The following USP40 variants were observed in gnomAD, a reference collection of about 807,000 sequenced individuals.
The protein encoded by USP40 is ubiquitin carboxyl-terminal hydrolase 40.
USP40 carries 143 observed loss-of-function variants against 166.2 expected under a neutral mutation model. The observed-to-expected ratio is 0.86, with a 90% CI of 0.75 to 0.99. The LOEUF (loss-of-function observed/expected upper bound fraction) is 0.99, where lower values mean the gene tolerates loss of function less well. Among genes scored for constraint, USP40 ranks in the 50% least tolerant of loss-of-function variants. The probability of loss-of-function intolerance (pLI) is 0.00; values close to 1 mark genes in which losing one functional copy is unlikely to be tolerated. For missense variants in USP40, 1,444 were observed against 1,479.7 expected (o/e 0.98, Z 0.40); for synonymous variants, 498 against 524.0 (o/e 0.95, Z 0.68).
At chr2:233,565,242 A>G in intron 2 of USP40, 114 bp downstream of exon 2, 2 of 835,056 alleles carry the variant, frequency 2.4e-6, no homozygotes, top group Non-Finnish European at 3.6e-6. Flanking sequence ...AACAATAAAC[A>G]CATACTGTAG....
intron 24 of USP40, among the ~76,000 whole-genome samples, chr2:233,494,926 A>ATATATT (rs2065594890): frequency 6.2e-5 from 2 of 32,012 alleles, no homozygotes; most frequent in East Asian, 6.6e-4. Context: ...ATATATATAT[A>ATATATT]TATATATATA....
At chr2:233,494,699 A>T (rs1017967403) in intron 24 of USP40, among the ~76,000 whole-genome samples, 2 of 151,410 alleles carry the variant, frequency 1.3e-5, no homozygotes, top group South Asian at 2.1e-4. Context: ...AGACAAAAAT[A>T]AAAAAATGTT....
At chr2:233,481,910 C>T (rs1167102933) in intron 30 of USP40, among the ~76,000 whole-genome samples, 3 of 152,144 alleles carry the variant, frequency 2.0e-5, no homozygotes, top group Non-Finnish European at 2.9e-5. Context: ...GCCTCAGGGG[C>T]GCACCCAGGA....
rs80006562 is a variant in USP40, at chr2:233,563,892, G to A, written c.200-1089C>T. Among the ~76,000 whole-genome samples, 355 of 152,178 alleles carry A rather than the reference G, an allele frequency of 2.3e-3. 9 individuals are homozygous for A. The East Asian group carries it at 0.063, about 27-fold the overall frequency. On this transcript the variant is annotated intron_variant, in intron 2 of 31. Coordinates refer to ENST00000678225, the MANE Select transcript of USP40 (RefSeq NM_001365479.2). ...CAGTACTACTCTTGCCTAATGGTAC[G>A]CTCCATGACCCGCCCTACACTTCAC...
chr2:233,537,026 T>C (rs1225563035), intron 10 of USP40, among the ~76,000 whole-genome samples: 1 of 152,020 alleles, frequency 6.6e-6, no homozygotes, highest in Non-Finnish European at 1.5e-5. Context: ...TGGGATTACA[T>C]GTGCGCACCA....
At chr2:233,530,918 TTC>T (rs1232208701) in intron 11 of USP40, among the ~76,000 whole-genome samples, 1 of 152,206 alleles carries the variant, frequency 6.6e-6, no homozygotes, top group Non-Finnish European at 1.5e-5. Flanking sequence ...CCCTAGTTTT[TTC>T]TTTCTTTGCT....
intron 15 of USP40, among the ~76,000 whole-genome samples, chr2:233,523,991 G>A (rs150999888): frequency 2.6e-5 from 4 of 152,286 alleles, no homozygotes; most frequent in Admixed American, 6.5e-5. Flanking sequence ...AGCATCTGAC[G>A]CACAACCTGG....
At position 233,479,198 on chromosome 2, in the gene USP40, C is replaced by T. The variant is rs1575204451; in HGVS notation, c.3600-1695G>A. 4.6e-5 allele frequency among the ~76,000 whole-genome samples: 7 copies of T among 152,272 alleles called. No individual in the cohort carries two copies. In the South Asian group the frequency reaches 1.2e-3, roughly 27 times the overall value. ...CTATTGGATGTCTCCAAATAACAGC[C>T]CTGGTGACAACTAAGGCTTTGACAG... On this transcript the variant is annotated intron_variant, in intron 31 of 31. Coordinates refer to ENST00000678225, the MANE Select transcript of USP40 (RefSeq NM_001365479.2).
At chr2:233,482,274 G>A (rs2064659255) in intron 30 of USP40, among the ~76,000 whole-genome samples, 1 of 151,910 alleles carries the variant, frequency 6.6e-6, no homozygotes, top group South Asian at 2.1e-4. Context: ...TGAGGCAGAA[G>A]AGTCACTTGA....
Position 233,533,587 on chromosome 2 carries a change from A to T in USP40, c.1363T>A (p.Ser455Thr). 1 of 1,613,852 alleles carries T rather than the reference A, an allele frequency of 6.2e-7. No homozygotes were observed. Among genetic ancestry groups the T allele is most frequent in the Non-Finnish European group, 8.5e-7 (1 of 1,179,818 alleles). ...TTTTCCCTGATTGGCTGGACTTTAG[A>T]ATCATTTATATCAAACCAGTGGGGA... ...SCPHWFDIND[S>T]KVQPIREKDI... The change falls in exon 11 of 32, where the codon TCT (serine) becomes ACT (threonine). Residue 455 changes from serine to threonine, a missense_variant. Coordinates refer to ENST00000678225, the MANE Select transcript of USP40 (RefSeq NM_001365479.2).
At chr2:233,495,284 T>C (rs2065678877) in intron 24 of USP40, among the ~76,000 whole-genome samples, 1 of 151,958 alleles carries the variant, frequency 6.6e-6, no homozygotes, top group Non-Finnish European at 1.5e-5. Flanking sequence ...TGGATATATA[T>C]GCTATGTATA....
intron 2 of USP40, among the ~76,000 whole-genome samples, chr2:233,564,824 C>T (rs563884248): frequency 9.9e-4 from 151 of 152,286 alleles, no homozygotes; most frequent in African/African-American, 3.6e-3. Context: ...TAACTAAAAA[C>T]TGTAAATAGC....
intron 21 of USP40, among the ~76,000 whole-genome samples, chr2:233,500,319 C>G (rs1274740731): frequency 1.3e-5 from 2 of 152,164 alleles, no homozygotes; most frequent in Non-Finnish European, 2.9e-5. Context: ...AAAGTTCTCC[C>G]TTCTCTCTTC....
intron 19 of USP40, 50 bp from the exon 20 acceptor site, chr2:233,511,847 T>C: frequency 7.3e-7 from 1 of 1,372,354 alleles, no homozygotes; most frequent in East Asian, 2.5e-5. Context: ...CCTAGCTCTC[T>C]AAGAAAAATA....
chr2:233,542,239 A>T (rs1189466897), intron 9 of USP40, 29 bp downstream of exon 9: 1 of 1,332,818 alleles, frequency 7.5e-7, no homozygotes. Context: ...CATACCATAC[A>T]TACAAATACA....
intron 2 of USP40, among the ~76,000 whole-genome samples, chr2:233,563,222 C>T (rs1160168145): frequency 6.6e-6 from 1 of 152,044 alleles, no homozygotes; most frequent in Non-Finnish European, 1.5e-5. Context: ...TCTGAGATGC[C>T]CTTTTTTTTG....
At chr2:233,488,468 C>T (rs960538743) in intron 27 of USP40, among the ~76,000 whole-genome samples, 164 bp from the exon 28 acceptor site, 13 of 152,272 alleles carry the variant, frequency 8.5e-5, no homozygotes, top group African/African-American at 3.1e-4. Flanking sequence ...AGAATCCTTG[C>T]TGCGGTGATT....
At position 233,500,544 on chromosome 2, in the gene USP40, T is replaced by C. The variant is rs1021383211; in HGVS notation, c.2614-629A>G. Among the ~76,000 whole-genome samples the C allele has an allele frequency of 2.0e-5, 3 of 152,190 alleles. No homozygotes were observed. The East Asian group carries it at 5.8e-4, about 29-fold the overall frequency. ...AAATACAATTTGATTTCTATTACACTAGAGCAAAAGAGAGCAAAAATAAGG... is the reference window on the plus strand; with the variant it reads ...AAATACAATTTGATTTCTATTACACCAGAGCAAAAGAGAGCAAAAATAAGG... On this transcript the variant is annotated intron_variant, in intron 21 of 31. Coordinates refer to ENST00000678225, the MANE Select transcript of USP40 (RefSeq NM_001365479.2).
chr2:233,566,220 C>T (rs1001434913), intron 1 of USP40, among the ~76,000 whole-genome samples: 6 of 152,150 alleles, frequency 3.9e-5, no homozygotes, highest in Admixed American at 1.3e-4. Context: ...GCCTAAAGGC[C>T]TTCCAGTATG....
Sources: gnomAD v4.1 joint callset for allele counts (sites outside exome capture counted in the v4.1 genomes callset) on GRCh38, gnomAD v4.1.1 for gene constraint, MANE v1.5 for transcripts, NCBI Gene and HGNC (gene_info 2026-07-23, HGNC 2026-07-21) for gene names.